ROBO2: variants seen among roughly 807,000 people sequenced by gnomAD.
ROBO2 encodes roundabout homolog 2.
In ROBO2, 53 loss-of-function variants were observed where a neutral mutation model predicts 160.8. The observed-to-expected ratio is 0.33, with a 90% CI of 0.26 to 0.41. The LOEUF (loss-of-function observed/expected upper bound fraction) is 0.41. Ranked by LOEUF, ROBO2 falls within the 10% of genes least tolerant of loss-of-function variation. The pLI, the probability that ROBO2 is intolerant of heterozygous loss-of-function variation, is 1.00. For synonymous variants in ROBO2, 664 were observed against 611.7 expected (o/e 1.09, Z -1.26); for missense variants, 1,577 against 1,722.4 (o/e 0.92, Z 1.49).
intron 2 of ROBO2, among the ~76,000 whole-genome samples, chr3:77,152,892 G>A (rs1417041556): frequency 2.0e-5 from 3 of 152,066 alleles, no homozygotes; most frequent in Admixed American, 2.0e-4. Context: ...TCTTACCCCA[G>A]AAGAAACACT....
At chr3:77,476,529 G>A (rs1311672349) in intron 2 of ROBO2, among the ~76,000 whole-genome samples, 1 of 152,048 alleles carries the variant, frequency 6.6e-6, no homozygotes, top group African/African-American at 2.4e-5. Flanking sequence ...TACATTTGCT[G>A]ATCTCAACTA....
intron 2 of ROBO2, among the ~76,000 whole-genome samples, chr3:76,747,962 A>C (rs7642150): frequency 0.67 from 102,071 of 151,616 alleles, 34,806 homozygotes; most frequent in African/African-American, 0.79. Flanking sequence ...GAAAAACATT[A>C]TGTAGATTTA....
intron 2 of ROBO2, among the ~76,000 whole-genome samples, chr3:76,249,876 G>T (rs1311134431): frequency 1.3e-5 from 2 of 152,062 alleles, no homozygotes; most frequent in Non-Finnish European, 2.9e-5. Context: ...TATAGAATCT[G>T]TCTTTACATA....
At chr3:76,793,134 C>T (rs941358753) in intron 2 of ROBO2, among the ~76,000 whole-genome samples, 1 of 151,640 alleles carries the variant, frequency 6.6e-6, no homozygotes, top group South Asian at 2.1e-4. Context: ...AGAAAAATCA[C>T]ACTTCTGTAA....
chr3:76,448,100 AAAAC>A (rs544969532), intron 2 of ROBO2, among the ~76,000 whole-genome samples: 213 of 152,178 alleles, frequency 1.4e-3, no homozygotes, highest in African/African-American at 4.1e-3. Flanking sequence ...AAAAAAAGAA[AAAAC>A]AAACAAACAA....
chr3:77,634,692 A>G lies in ROBO2; in HGVS notation c.3761-178A>G. On this transcript the variant is annotated intron_variant, in intron 23 of 25. Coordinates refer to ENST00000461745, the Ensembl canonical transcript of ROBO2. ...GTTAGCTTATTAAAAATTGAACAAA[A>G]TATGTGCAGCTGAGAATGTAGAAAA... is the stretch of plus-strand genomic sequence containing the variant. 3 of 659,212 alleles carry G rather than the reference A, an allele frequency of 4.6e-6. 1 individual carries two copies. In the South Asian group the frequency reaches 5.4e-5, roughly 12 times the overall value. 40.8% of individuals were successfully genotyped at this position (659,212 alleles called of 1,614,324 possible). A position where few individuals can be genotyped will look rare whatever the true frequency, so the allele number is the denominator to read the frequency against.
intron 2 of ROBO2, among the ~76,000 whole-genome samples, chr3:76,569,823 G>T (rs977112675): frequency 1.8e-4 from 27 of 152,108 alleles, no homozygotes; most frequent in African/African-American, 6.5e-4. Flanking sequence ...ACCCAGAACA[G>T]CATTGAGATT....
At chr3:77,536,112 T>C (rs2092079571) in intron 6 of ROBO2, among the ~76,000 whole-genome samples, 1 of 152,168 alleles carries the variant, frequency 6.6e-6, no homozygotes, top group Non-Finnish European at 1.5e-5. Flanking sequence ...GTTTAATTTC[T>C]GCCTGGCAAA....
intron 2 of ROBO2, among the ~76,000 whole-genome samples, chr3:76,453,678 C>G (rs2077595694): frequency 6.6e-6 from 1 of 152,082 alleles, no homozygotes; most frequent in Non-Finnish European, 1.5e-5. Flanking sequence ...TCAAATAAAC[C>G]TTTCGAGTTG....
chr3:76,293,845 G>C (rs910387345), intron 2 of ROBO2, among the ~76,000 whole-genome samples: 1 of 152,144 alleles, frequency 6.6e-6, no homozygotes, highest in Non-Finnish European at 1.5e-5. Flanking sequence ...TTATGACTTG[G>C]CTTTAATTTA....
intron 2 of ROBO2, among the ~76,000 whole-genome samples, chr3:77,297,741 A>G (rs551262810): frequency 9.8e-5 from 15 of 152,318 alleles, no homozygotes; most frequent in Non-Finnish European, 1.6e-4. Flanking sequence ...TCTAGACGCT[A>G]GTTAACACTC....
chr3:77,343,073 AG>A (rs1481472066), intron 2 of ROBO2, among the ~76,000 whole-genome samples: 2 of 116,402 alleles, frequency 1.7e-5, no homozygotes, highest in African/African-American at 2.8e-5. Context: ...AGAGAGAGAG[AG>A]AGAGAGAGAG....
chr3:77,430,097 G>T (rs895933863), intron 2 of ROBO2, among the ~76,000 whole-genome samples: 1 of 152,150 alleles, frequency 6.6e-6, no homozygotes, highest in Non-Finnish European at 1.5e-5. Context: ...TTACCAGCTT[G>T]CAATCCATTC....
intron 19 of ROBO2, 65 bp from the exon 21 acceptor site, chr3:77,602,145 A>C: frequency 6.6e-7 from 1 of 1,506,010 alleles, no homozygotes; most frequent in Non-Finnish European, 9.2e-7. Flanking sequence ...TTTCATCTTC[A>C]GTCCTGATAG....
chr3:76,310,040 T>C (rs2071505211), intron 2 of ROBO2, among the ~76,000 whole-genome samples: 1 of 152,028 alleles, frequency 6.6e-6, no homozygotes, highest in Admixed American at 6.6e-5. Context: ...CAGTCTGGTA[T>C]GAAACTCCTG....
At chr3:77,031,566 A>G (rs1219904973) in intron 2 of ROBO2, among the ~76,000 whole-genome samples, 1 of 146,258 alleles carries the variant, frequency 6.8e-6, no homozygotes, top group Non-Finnish European at 1.5e-5. Context: ...TTTATATATT[A>G]TTAAATTAAT....
Position 77,458,340 on chromosome 3 carries a change from G to C in ROBO2, c.389-19074G>C, listed in dbSNP as rs998030350. ...ACTCTGAGAAGTTAACTGTCTCCAA[G>C]ATGGTAACATACAGTTTTGAATGTT... On this transcript the variant is annotated intron_variant, in intron 2 of 25. Coordinates refer to ENST00000461745, the Ensembl canonical transcript of ROBO2. Among the ~76,000 whole-genome samples, 5 of 152,188 alleles carry C rather than the reference G, an allele frequency of 3.3e-5. No homozygotes were observed. In the East Asian group the frequency reaches 9.6e-4, roughly 29 times the overall value.
chr3:75,929,071 A>G (rs574257059), intron 1 of ROBO2, among the ~76,000 whole-genome samples: 2 of 16,476 alleles, frequency 1.2e-4, no homozygotes, highest in Admixed American at 2.0e-3. Context: ...GCAGCTGGAT[A>G]AGACGTGTGT....
At chr3:76,910,727 A>G (rs1559689809) in intron 2 of ROBO2, among the ~76,000 whole-genome samples, 1 of 113,932 alleles carries the variant, frequency 8.8e-6, no homozygotes, top group Non-Finnish European at 1.8e-5. Context: ...CTCTGTCTCA[A>G]AAAAAAAAAA....
Sources: allele counts gnomAD v4.1 joint callset (sites outside exome capture counted in the v4.1 genomes callset), GRCh38; gene constraint gnomAD v4.1.1; transcripts MANE v1.5; gene names NCBI Gene and HGNC (gene_info 2026-07-23, HGNC 2026-07-21).